KIAA0319L: variants seen among roughly 807,000 people sequenced by gnomAD.
KIAA0319L encodes the protein KIAA0319 like, also known as dyslexia-associated protein KIAA0319-like protein.
In KIAA0319L, 55 loss-of-function variants were observed where a neutral mutation model predicts 120.1. The ratio of observed to expected loss-of-function variants is 0.46; its 90% CI spans 0.37 to 0.57. The LOEUF (loss-of-function observed/expected upper bound fraction) is 0.57. Among genes scored for constraint, KIAA0319L ranks in the 20% least tolerant of loss-of-function variants. KIAA0319L has a pLI of 0.00. For synonymous variants in KIAA0319L, 398 were observed against 471.9 expected, an observed-to-expected ratio of 0.84 and a Z score of 2.03; for missense variants, 1,049 against 1,255.3, an observed-to-expected ratio of 0.84 and a Z score of 2.48.
intron 9 of KIAA0319L, among the ~76,000 whole-genome samples, chr1:35,458,762 T>C (rs1642675594): frequency 6.6e-6 from 1 of 152,220 alleles, no homozygotes; most frequent in Non-Finnish European, 1.5e-5. Flanking sequence ...ATATCAGCTA[T>C]CATTGTTACT....
At chr1:35,522,544 C>T (rs1187153864) in intron 2 of KIAA0319L, among the ~76,000 whole-genome samples, 3 of 152,142 alleles carry the variant, frequency 2.0e-5, no homozygotes, top group Non-Finnish European at 4.4e-5. Flanking sequence ...TCTCAAAGTG[C>T]TGGGATTACA....
At chr1:35,483,970 T>C (rs1417056359) in intron 3 of KIAA0319L, among the ~76,000 whole-genome samples, 1 of 152,164 alleles carries the variant, frequency 6.6e-6, no homozygotes, top group African/African-American at 2.4e-5. Context: ...CTTCCGTGTC[T>C]GTGTAGATGG....
At chr1:35,515,801 TAAC>T (rs1645655771) in intron 2 of KIAA0319L, among the ~76,000 whole-genome samples, 1 of 151,842 alleles carries the variant, frequency 6.6e-6, no homozygotes, top group Non-Finnish European at 1.5e-5. Flanking sequence ...GATAGGCCAC[TAAC>T]TAAACTAATA....
At chr1:35,557,021 G>T (rs192683847) in intron 1 of KIAA0319L, 186 bp downstream of exon 1, 1 of 152,590 alleles carries the variant, frequency 6.6e-6, no homozygotes, top group Admixed American at 6.5e-5. Context: ...GAGAAGCGGG[G>T]TTCAGCCTGG....
intron 2 of KIAA0319L, among the ~76,000 whole-genome samples, chr1:35,541,349 C>CTTTT (rs528087751): frequency 4.7e-5 from 6 of 127,510 alleles, no homozygotes; most frequent in Non-Finnish European, 8.3e-5. Context: ...TTTTTTTTTC[C>CTTTT]TTTTTTTTTT....
chr1:35,491,329 C>A (rs1247670503), intron 3 of KIAA0319L, among the ~76,000 whole-genome samples: 1 of 152,082 alleles, frequency 6.6e-6, no homozygotes, highest in Non-Finnish European at 1.5e-5. Flanking sequence ...AAACTATAAA[C>A]CCACATTCTA....
chr1:35,484,800 ATATATATTT>A (rs1421731851), intron 3 of KIAA0319L, among the ~76,000 whole-genome samples: 25 of 16,886 alleles, frequency 1.5e-3, no homozygotes, highest in South Asian at 6.0e-3. Context: ...ATATATATAT[ATATATATTT>A]TTTTTTTTAT....
At position 35,460,795 on chromosome 1, in the gene KIAA0319L, G is replaced by C. The variant is rs192045645; in HGVS notation, c.1295-358C>G. 5.3e-4 allele frequency among the ~76,000 whole-genome samples: 81 copies of C among 152,172 alleles called. 1 individual carries two copies. The highest frequency in any genetic ancestry group is 1.9e-3 in the African/African-American group (79 of 41,516). Reference sequence around the variant, plus strand: ...TAGCATTTTTTTAACCTACAAAATTGGTAAAGACCAAAATTTCATAACACA... The same window carrying C: ...TAGCATTTTTTTAACCTACAAAATTCGTAAAGACCAAAATTTCATAACACA... On this transcript the variant is annotated intron_variant, in intron 8 of 20. Coordinates refer to ENST00000325722, the MANE Select transcript of KIAA0319L (RefSeq NM_024874.5).
intron 3 of KIAA0319L, among the ~76,000 whole-genome samples, chr1:35,500,213 C>A (rs1368735982): frequency 6.6e-6 from 1 of 152,184 alleles, no homozygotes; most frequent in African/African-American, 2.4e-5. Flanking sequence ...GCACTTTTTT[C>A]TCTGGCACAT....
chr1:35,547,592 G>C (rs1052314857), intron 2 of KIAA0319L, among the ~76,000 whole-genome samples: 1 of 152,140 alleles, frequency 6.6e-6, no homozygotes, highest in South Asian at 2.1e-4. Flanking sequence ...GCTAGGATAT[G>C]GATGAACCTT....
intron 3 of KIAA0319L, among the ~76,000 whole-genome samples, chr1:35,502,301 C>G (rs1645038397): frequency 6.8e-6 from 1 of 148,042 alleles, no homozygotes; most frequent in African/African-American, 2.5e-5. Flanking sequence ...AAAAAAAAAA[C>G]AGGAACAGTA....
chr1:35,490,716 CACTT>C (rs1267517705), intron 3 of KIAA0319L, among the ~76,000 whole-genome samples: 1 of 152,090 alleles, frequency 6.6e-6, no homozygotes, highest in Non-Finnish European at 1.5e-5. Context: ...AAAGAAAATA[CACTT>C]GATATGTTTT....
intron 3 of KIAA0319L, among the ~76,000 whole-genome samples, chr1:35,499,770 T>A (rs1223499601): frequency 1.3e-4 from 15 of 118,352 alleles, no homozygotes; most frequent in Non-Finnish European, 7.3e-5. Flanking sequence ...AGCAAACAAG[T>A]AAAAACAAGT....
intron 2 of KIAA0319L, among the ~76,000 whole-genome samples, chr1:35,508,873 C>G (rs1645310245): frequency 6.6e-6 from 1 of 152,014 alleles, no homozygotes. Context: ...TTTTTCTAAG[C>G]TGATATATTA....
intron 3 of KIAA0319L, among the ~76,000 whole-genome samples, chr1:35,491,574 T>A (rs1326745301): frequency 6.6e-6 from 1 of 151,854 alleles, no homozygotes; most frequent in Middle Eastern, 3.2e-3. Flanking sequence ...AGCAAAAAAA[T>A]AAACCTGTCA....
chr1:35,488,638 G>A (rs1644475225), intron 3 of KIAA0319L, among the ~76,000 whole-genome samples: 1 of 152,130 alleles, frequency 6.6e-6, no homozygotes, highest in Non-Finnish European at 1.5e-5. Context: ...GAACATTTAG[G>A]AATACAAAGG....
intron 10 of KIAA0319L, among the ~76,000 whole-genome samples, 154 bp downstream of exon 10, chr1:35,455,859 G>T (rs1341336116): frequency 6.6e-6 from 1 of 152,168 alleles, no homozygotes; most frequent in African/African-American, 2.4e-5. Flanking sequence ...GATTACAGGC[G>T]TGAGCCACCA....
At chr1:35,519,059 G>T (rs1645803774) in intron 2 of KIAA0319L, among the ~76,000 whole-genome samples, 3 of 151,994 alleles carry the variant, frequency 2.0e-5, no homozygotes, top group Admixed American at 1.3e-4. Context: ...GAGTTATGGG[G>T]CTATTTCTTA....
Position 35,552,207 on chromosome 1 carries a change from T to C in KIAA0319L, c.142+2143A>G, listed in dbSNP as rs192929401. Among the ~76,000 whole-genome samples the C allele has an allele frequency of 6.8e-3, 1,033 of 152,256 alleles. 9 individuals carry two copies. The highest frequency in any genetic ancestry group is 0.023 in the African/African-American group (976 of 41,538). On this transcript the variant is annotated intron_variant, in intron 2 of 20. Transcript: ENST00000325722. ...AGATACAAAAATTAGCTGGGTGTGG[T>C]GGCATGCGCCTGTAGTCCCACCTAT...
Sources: gnomAD v4.1 joint callset for allele counts (sites outside exome capture counted in the v4.1 genomes callset) on GRCh38, gnomAD v4.1.1 for gene constraint, MANE v1.5 for transcripts, NCBI Gene and HGNC (gene_info 2026-07-23, HGNC 2026-07-21) for gene names.